MGAT5: variants seen among roughly 807,000 people sequenced by gnomAD.
MGAT5 encodes the protein alpha-1,6-mannosylglycoprotein 6-beta-N-acetylglucosaminyltransferase.
MGAT5 carries 30 observed loss-of-function variants against 94.3 expected under a neutral mutation model. That is an observed-to-expected ratio of 0.32 (90% CI 0.24 to 0.43). MGAT5 has a LOEUF of 0.43. MGAT5 is among the 20% of genes least tolerant of loss of function. The pLI is 1.00. For missense variants in MGAT5, 691 were observed against 905.5 expected (o/e 0.76, Z 3.04); for synonymous variants, 310 against 322.9 (o/e 0.96, Z 0.43).
chr2:134,244,441 T>A (rs1682129388), intron 1 of MGAT5, among the ~76,000 whole-genome samples: 1 of 152,162 alleles, frequency 6.6e-6, no homozygotes, highest in Non-Finnish European at 1.5e-5. Flanking sequence ...ATTAGTAAAT[T>A]GGGCACAGCT....
chr2:134,265,969 A>T (rs778780732), intron 1 of MGAT5, among the ~76,000 whole-genome samples: 3 of 151,938 alleles, frequency 2.0e-5, no homozygotes, highest in Non-Finnish European at 4.4e-5. Context: ...GGAGTTTGAG[A>T]CCAGCCTGAC....
chr2:134,383,496 G>T (rs1034743006), intron 10 of MGAT5, among the ~76,000 whole-genome samples: 6 of 152,208 alleles, frequency 3.9e-5, no homozygotes, highest in African/African-American at 1.4e-4. Flanking sequence ...CTATTGAACT[G>T]TACTTCATTG....
chr2:134,418,000 A>G (rs1487616747), intron 12 of MGAT5, among the ~76,000 whole-genome samples: 1 of 152,116 alleles, frequency 6.6e-6, no homozygotes, highest in Admixed American at 6.5e-5. Context: ...AATCAAAAGT[A>G]GCTGAGATTA....
rs555860921 is a variant in MGAT5, at chr2:134,449,025, C to T, written c.*178C>T. ...TCCGAGCAACCCAGTGGAGTCTTCA[C>T]CAAAACAAAACAAGAGCGTATGTCA... On this transcript the variant is annotated 3_prime_UTR_variant, in exon 16 of 16. Transcript: ENST00000281923. 82 of 624,848 alleles carry T rather than the reference C, an allele frequency of 1.3e-4. 1 individual carries two copies. Among genetic ancestry groups the T allele is most frequent in the African/African-American group, 1.3e-3 (71 of 54,472 alleles). 38.7% of individuals were successfully genotyped at this position (624,848 alleles called of 1,614,324 possible).
At chr2:134,415,911 G>A (rs565660735) in intron 12 of MGAT5, among the ~76,000 whole-genome samples, 2 of 152,250 alleles carry the variant, frequency 1.3e-5, no homozygotes, top group South Asian at 4.1e-4. Flanking sequence ...GCGTCGTTGG[G>A]AATCAGTTCT....
chr2:134,331,306 A>ATG (rs1462177191), intron 4 of MGAT5, among the ~76,000 whole-genome samples: 3 of 152,106 alleles, frequency 2.0e-5, no homozygotes, highest in Non-Finnish European at 4.4e-5. Flanking sequence ...ATGTGCATTG[A>ATG]TGTTCTAAAG....
intron 1 of MGAT5, among the ~76,000 whole-genome samples, chr2:134,173,916 TC>T (rs1277882605): frequency 2.6e-5 from 4 of 152,340 alleles, no homozygotes; most frequent in African/African-American, 9.6e-5. Context: ...AATAGTTGGA[TC>T]ATCCTGAAGG....
chr2:134,274,564 G>A (rs538482586), intron 2 of MGAT5, among the ~76,000 whole-genome samples: 2 of 149,336 alleles, frequency 1.3e-5, no homozygotes, highest in African/African-American at 5.1e-5. Flanking sequence ...AGCTCTCTAC[G>A]GGGTAGTGTA....
chr2:134,191,636 C>T (rs1481870959), intron 1 of MGAT5, among the ~76,000 whole-genome samples: 15 of 147,280 alleles, frequency 1.0e-4, no homozygotes, highest in African/African-American at 3.5e-4. Flanking sequence ...CCTTCTCGCG[C>T]GAGCGGGTTC....
intron 2 of MGAT5, among the ~76,000 whole-genome samples, chr2:134,295,181 A>T (rs1685601264): frequency 6.6e-6 from 1 of 151,904 alleles, no homozygotes; most frequent in Admixed American, 6.6e-5. Context: ...ATGTTGATTG[A>T]CATTTGATGG....
At chr2:134,126,446 A>G (rs975626184) in intron 1 of MGAT5, among the ~76,000 whole-genome samples, 2 of 152,212 alleles carry the variant, frequency 1.3e-5, no homozygotes, top group African/African-American at 4.8e-5. Flanking sequence ...AAGGCTTGTA[A>G]CATAAATTAA....
At chr2:134,262,831 T>A (rs1435515126) in intron 1 of MGAT5, among the ~76,000 whole-genome samples, 1 of 152,380 alleles carries the variant, frequency 6.6e-6, no homozygotes, top group South Asian at 2.1e-4. Flanking sequence ...GCAACCTGTT[T>A]ATGTAGCTAT....
At chr2:134,303,809 A>T (rs186962548) in intron 2 of MGAT5, among the ~76,000 whole-genome samples, 1 of 152,166 alleles carries the variant, frequency 6.6e-6, no homozygotes, top group Non-Finnish European at 1.5e-5. Context: ...TTTCACTACT[A>T]TGCAAAACTT....
intron 1 of MGAT5, among the ~76,000 whole-genome samples, chr2:134,205,368 T>C (rs897999040): frequency 6.6e-6 from 1 of 151,944 alleles, no homozygotes; most frequent in African/African-American, 2.4e-5. Context: ...TGGAATGAGA[T>C]TGAAATAGTG....
chr2:134,317,460 C>A, intron 2 of MGAT5, 69 bp from the exon 3 acceptor site: 3 of 1,200,842 alleles, frequency 2.5e-6, no homozygotes, highest in Non-Finnish European at 3.5e-6. Context: ...TACCTCTTGG[C>A]TTACAAGAAT....
chr2:134,178,755 T>G (rs1012965644), intron 1 of MGAT5, among the ~76,000 whole-genome samples: 4 of 152,204 alleles, frequency 2.6e-5, no homozygotes, highest in Non-Finnish European at 5.9e-5. Context: ...CCACATTCCT[T>G]TGTGGCTTTG....
intron 1 of MGAT5, among the ~76,000 whole-genome samples, chr2:134,190,760 G>A (rs1025447597): frequency 3.3e-5 from 5 of 151,900 alleles, no homozygotes; most frequent in African/African-American, 7.3e-5. Context: ...ATACTCCCAC[G>A]TCAGCCTCCC....
chr2:134,406,190 C>T (rs1473429176), intron 11 of MGAT5, among the ~76,000 whole-genome samples: 1 of 152,138 alleles, frequency 6.6e-6, no homozygotes, highest in East Asian at 1.9e-4. Context: ...CTCAGTCTTC[C>T]CTGTTTCATA....
In MGAT5 at chr2:134,322,695, C is replaced by T. The variant is rs548064109; in HGVS notation, c.573+3956C>T. The stretch of plus-strand genomic sequence containing the variant: ...TGTGGCTTTGTAGGAGCTGTTGGTT[C>T]ACTTGTGTGGTTTTATTCTTTCCTG... On this transcript the variant is annotated intron_variant, in intron 4 of 15. Transcript: ENST00000281923. Among the ~76,000 whole-genome samples the T allele has an allele frequency of 7.2e-5, 11 of 152,218 alleles. No individual in the cohort carries two copies. The East Asian group carries it at 1.9e-3, about 27-fold the overall frequency.
Sources: allele counts gnomAD v4.1 joint callset (sites outside exome capture counted in the v4.1 genomes callset), GRCh38; gene constraint gnomAD v4.1.1; transcripts MANE v1.5; gene names NCBI Gene and HGNC (gene_info 2026-07-23, HGNC 2026-07-21).